The following EED variants were observed in gnomAD, a reference collection of about 807,000 sequenced individuals.
The protein encoded by EED is polycomb protein EED.
EED carries 9 observed loss-of-function variants against 61.0 expected under a neutral mutation model. The observed-to-expected ratio is 0.15, with a 90% CI of 0.09 to 0.26. The LOEUF is 0.26. Ranked by LOEUF, EED falls within the 10% of genes least tolerant of loss-of-function variation. The probability of loss-of-function intolerance (pLI) is 1.00; values close to 1 mark genes in which losing one functional copy is unlikely to be tolerated. For missense variants in EED, 315 were observed against 542.3 expected (o/e 0.58, Z 4.16); for synonymous variants, 187 against 174.4 (o/e 1.07, Z -0.57).
chr11:86,277,339 A>C (rs982132480), intron 10 of EED: 2 of 405,884 alleles, frequency 4.9e-6, no homozygotes, highest in African/African-American at 4.1e-5. Context: ...TATGATCTGC[A>C]GTGCTTACTT....
chr11:86,278,365 T>C (rs1946279968), intron 11 of EED, 34 bp from the exon 12 acceptor site: 1 of 1,601,526 alleles, frequency 6.2e-7, no homozygotes, highest in Non-Finnish European at 8.5e-7. Context: ...ACGTTATGTG[T>C]GGTCTTTAAC....
chr11:86,259,768 T>C (rs371813534), intron 6 of EED, among the ~76,000 whole-genome samples: 1 of 152,204 alleles, frequency 6.6e-6, no homozygotes, highest in East Asian at 1.9e-4. Context: ...TATTAATCAT[T>C]AAGGAAATAC....
chr11:86,286,990 A>G, the EED span, among the ~76,000 whole-genome samples: 12 of 151,280 alleles, frequency 7.9e-5, no homozygotes, highest in Non-Finnish European at 1.8e-4. Flanking sequence ...AAAAAAAAAA[A>G]AAAAGAAATA....
intron 3 of EED, among the ~76,000 whole-genome samples, chr11:86,252,947 C>T (rs887738114): frequency 5.9e-5 from 9 of 152,046 alleles, no homozygotes; most frequent in African/African-American, 2.2e-4. Context: ...AGGTTTTCAC[C>T]GTGTTGCCCA....
Position 86,276,973 on chromosome 11 carries a change from GT to G in EED, c.967-3del. On this transcript the variant is annotated splice_polypyrimidine_tract_variant and splice_region_variant and intron_variant, in intron 9 of 11. Coordinates refer to ENST00000263360, the MANE Select transcript of EED (RefSeq NM_003797.5). ...ATTTCTTTTTCTCATTTCTCTCTCT[GT>G]TTTAGTCTTGTGAAAATGCCATTGT... The G allele has an allele frequency of 6.6e-7, 1 of 1,512,840 alleles. No homozygotes were observed. 93.7% of individuals were successfully genotyped at this position (1,512,840 alleles called of 1,614,324 possible).
At chr11:86,285,169 C>T in the EED span, among the ~76,000 whole-genome samples, 1 of 152,114 alleles carries the variant, frequency 6.6e-6, no homozygotes, top group African/African-American at 2.4e-5. Context: ...CCTGTAATCG[C>T]AGCACTTTGG....
intron 9 of EED, among the ~76,000 whole-genome samples, chr11:86,271,300 A>G (rs1474537661): frequency 6.6e-6 from 1 of 152,148 alleles, no homozygotes; most frequent in Admixed American, 6.5e-5. Context: ...AAACTGTTTT[A>G]TATTTTTATT....
chr11:86,249,278 A>G (rs1377941895), intron 1 of EED, among the ~76,000 whole-genome samples: 1 of 151,700 alleles, frequency 6.6e-6, no homozygotes, highest in Non-Finnish European at 1.5e-5. Flanking sequence ...TATTTCATTT[A>G]TGATATTTTT....
At chr11:86,257,330 T>G (rs1945704189) in intron 5 of EED, among the ~76,000 whole-genome samples, 185 bp from the exon 6 acceptor site, 2 of 149,962 alleles carry the variant, frequency 1.3e-5, no homozygotes, top group Non-Finnish European at 3.0e-5. Context: ...CCACCCACTG[T>G]GCCTGGGGTC....
chr11:86,277,978 C>T lies in EED; in HGVS notation c.1186C>T (p.Pro396Ser), dbSNP rs1946270984. The stretch of plus-strand genomic sequence containing the variant: ...TGTTTGGGATTTAGAAGTAGAAGAT[C>T]CTCATAAAGCCAAGTAAGTATTTAG... Reference protein sequence around the residue: ...LYVWDLEVEDPHKAKCTTLTH... With the variant: ...LYVWDLEVEDSHKAKCTTLTH... Residue 396 changes from proline (P) to serine (S), a missense_variant, in exon 11 of 12, where the codon CCT (proline) becomes TCT (serine). Pro to Ser is a moderately conservative substitution (Grantham distance 74). Transcript: ENST00000263360. 1 of 1,536,242 alleles carries T rather than the reference C, an allele frequency of 6.5e-7. No individual in the cohort carries two copies. The highest frequency in any genetic ancestry group is 2.3e-5 in the Admixed American group (1 of 43,094).
chr11:86,262,578 A>G lies in EED; in HGVS notation c.635-1594A>G, dbSNP rs148176026. 4.2e-3 allele frequency among the ~76,000 whole-genome samples: 633 copies of G among 152,120 alleles called. 6 individuals are homozygous for G. The highest frequency in any genetic ancestry group is 0.015 in the African/African-American group (619 of 41,508). ...CCCTTTTGCTGTGAGACGATTCAGC[A>G]TGAAGGCCCTCACCGGATGCCGGCA... On this transcript the variant is annotated intron_variant, in intron 6 of 11. Coordinates refer to ENST00000263360, the MANE Select transcript of EED (RefSeq NM_003797.5).
downstream of EED, among the ~76,000 whole-genome samples, chr11:86,283,564 T>A (rs1946347737): frequency 6.6e-6 from 1 of 152,182 alleles, no homozygotes. Flanking sequence ...GGGTCAGAAT[T>A]AAACAGTCAT....
At position 86,271,683 on chromosome 11, in the gene EED, G is replaced by T. The variant is rs1474466936; in HGVS notation, c.966+3122G>T. Among the ~76,000 whole-genome samples, 5 of 152,200 alleles carry T rather than the reference G, an allele frequency of 3.3e-5. No homozygotes were observed. The South Asian group carries it at 1.0e-3, about 32-fold the overall frequency. ...AACTGTTTCCTGTTCCTAAATTTTTGAGAGCTTTTTCATGAATGGTGTTTT... is the reference window on the plus strand; with the variant it reads ...AACTGTTTCCTGTTCCTAAATTTTTTAGAGCTTTTTCATGAATGGTGTTTT... On this transcript the variant is annotated intron_variant, in intron 9 of 11. Transcript: ENST00000263360.
chr11:86,263,973 G>C, intron 6 of EED, 199 bp from the exon 7 acceptor site: 1 of 528,816 alleles, frequency 1.9e-6, no homozygotes, highest in Non-Finnish European at 3.4e-6. Flanking sequence ...TTTTGGGGGG[G>C]CCTATTCAAA....
At chr11:86,251,424 G>A (rs1397943242) in intron 2 of EED, among the ~76,000 whole-genome samples, 1 of 152,126 alleles carries the variant, frequency 6.6e-6, no homozygotes, top group Non-Finnish European at 1.5e-5. Context: ...TAAAGCTGTG[G>A]CTTTTCAAAT....
intron 8 of EED, 38 bp downstream of exon 8, chr11:86,266,254 T>A: frequency 6.5e-7 from 1 of 1,530,096 alleles, no homozygotes; most frequent in Non-Finnish European, 8.8e-7. Context: ...TGCTATGTTG[T>A]GCTATTGAAT....
intron 9 of EED, among the ~76,000 whole-genome samples, chr11:86,274,395 T>G (rs1431245717): frequency 6.6e-6 from 1 of 152,192 alleles, no homozygotes; most frequent in Non-Finnish European, 1.5e-5. Context: ...AAAAGTTGAT[T>G]TTTATGATTC....
chr11:86,252,435 T>G (rs553177501), intron 3 of EED, among the ~76,000 whole-genome samples, 195 bp downstream of exon 3: 109 of 152,130 alleles, frequency 7.2e-4, no homozygotes, highest in Non-Finnish European at 1.4e-3. Flanking sequence ...ATATTTAATA[T>G]ATTACCCCTA....
intron 9 of EED, among the ~76,000 whole-genome samples, chr11:86,274,594 T>G (rs918332751): frequency 6.6e-6 from 1 of 152,158 alleles, no homozygotes; most frequent in African/African-American, 2.4e-5. Context: ...CTTGTGTTGG[T>G]GCTTCATTAC....
Sources: allele counts gnomAD v4.1 joint callset (sites outside exome capture counted in the v4.1 genomes callset), GRCh38; gene constraint gnomAD v4.1.1; transcripts MANE v1.5; gene names NCBI Gene and HGNC (gene_info 2026-07-23, HGNC 2026-07-21).